The following KRT77 variants were observed in gnomAD, a reference collection of about 807,000 sequenced individuals.
KRT77 encodes keratin 77, also known as keratin, type II cytoskeletal 1b.
KRT77 carries 44 observed loss-of-function variants against 51.5 expected under a neutral mutation model. The ratio of observed to expected loss-of-function variants is 0.85; its 90% CI spans 0.67 to 1.10. KRT77 has a LOEUF of 1.10. Ranked by LOEUF, KRT77 falls within the 50% of genes least tolerant of loss-of-function variation. The pLI, the probability that KRT77 is intolerant of heterozygous loss-of-function variation, is 0.00. For missense variants in KRT77, 763 were observed against 743.9 expected, an observed-to-expected ratio of 1.03 and a Z score of -0.30; for synonymous variants, 293 against 302.0, an observed-to-expected ratio of 0.97 and a Z score of 0.31.
At chr12:52,697,467 C>G (rs1380760995) in intron 2 of KRT77, among the ~76,000 whole-genome samples, 1 of 152,246 alleles carries the variant, frequency 6.6e-6, no homozygotes, top group Non-Finnish European at 1.5e-5. Context: ...TGAAGCTATC[C>G]TGCCCCTCCC....
At chr12:52,700,170 G>T (rs747452936) in intron 1 of KRT77, among the ~76,000 whole-genome samples, 6 of 152,168 alleles carry the variant, frequency 3.9e-5, no homozygotes, top group Non-Finnish European at 4.4e-5. Flanking sequence ...GACCCAATTT[G>T]TCATCCGGTT....
At position 52,697,744 on chromosome 12, in the gene KRT77, C is replaced by T. The variant is rs1190352004; in HGVS notation, c.696G>A (p.Glu232=). 1.2e-6 allele frequency: 2 copies of T among 1,614,190 alleles called. No homozygotes were observed. The highest frequency in any genetic ancestry group is 8.5e-7 in the Non-Finnish European group (1 of 1,180,030). Residue 232 remains glutamate, a synonymous_variant, in exon 2 of 9, where the codon GAG becomes GAA. Coordinates refer to ENST00000341809, the MANE Select transcript of KRT77 (RefSeq NM_175078.3). ...TGACCTCCGCGTTCTGGCGCATCTG[C>T]TCCGCACTGAGCAAATCCACCTGCC... ...LRRQVDLLSA[E]QMRQNAEVRS...
chr12:52,700,867 G>C (rs1345954923), intron 1 of KRT77, among the ~76,000 whole-genome samples: 1 of 152,176 alleles, frequency 6.6e-6, no homozygotes, highest in Non-Finnish European at 1.5e-5. Context: ...CTCTGCTGTG[G>C]TGTCAAGTAT....
rs1277388681 is a variant in KRT77 at position 52,697,719 on chromosome 12, T to C, written c.721A>G (p.Arg241Gly). 6 of 1,614,012 alleles carry C rather than the reference T, an allele frequency of 3.7e-6. No individual in the cohort carries two copies. The East Asian group carries it at 1.1e-4, about 30-fold the overall frequency. Residue 241 changes from arginine to glycine, a missense_variant, in exon 2 of 9, where the codon AGG (arginine) becomes GGG (glycine). Arg to Gly is a moderately radical substitution (Grantham distance 125). Transcript: ENST00000341809. Reference protein sequence around the residue: ...AEQMRQNAEVRSMQDVVEDYK... With the variant: ...AEQMRQNAEVGSMQDVVEDYK... ...TCCTCCACGACATCCTGCATGCTCC[T>C]GACCTCCGCGTTCTGGCGCATCTGC...
chr12:52,694,374 C>G (rs1486085333), intron 5 of KRT77, among the ~76,000 whole-genome samples: 1 of 152,126 alleles, frequency 6.6e-6, no homozygotes, highest in African/African-American at 2.4e-5. Flanking sequence ...AATTGCAGTT[C>G]TCGTCATTAC....
chr12:52,692,724 T>G (rs2121045888), intron 6 of KRT77, 31 bp downstream of exon 6: 1 of 1,602,336 alleles, frequency 6.2e-7, no homozygotes, highest in African/African-American at 1.3e-5. Flanking sequence ...GGTGCAGGGC[T>G]TGGTCAGCCC....
chr12:52,694,934 C>A, intron 4 of KRT77, 144 bp from the exon 5 acceptor site: 1 of 647,884 alleles, frequency 1.5e-6, no homozygotes, highest in Non-Finnish European at 2.5e-6. Flanking sequence ...TTGTTGTGTG[C>A]AATGAGAGAT....
intron 1 of KRT77, 76 bp from the exon 2 acceptor site, chr12:52,697,972 C>T: frequency 6.8e-7 from 1 of 1,462,760 alleles, no homozygotes; most frequent in Non-Finnish European, 9.6e-7. Flanking sequence ...CATCCATACC[C>T]CCTCAACACA....
chr12:52,699,174 T>C (rs2121072679), intron 1 of KRT77, among the ~76,000 whole-genome samples: 1 of 152,340 alleles, frequency 6.6e-6, no homozygotes, highest in Admixed American at 6.5e-5. Context: ...TCTCTATTTT[T>C]ACTCTGTGGT....
chr12:52,699,298 T>A (rs185048898), intron 1 of KRT77, among the ~76,000 whole-genome samples: 9 of 152,214 alleles, frequency 5.9e-5, no homozygotes, highest in African/African-American at 1.9e-4. Context: ...AGTCTCCACA[T>A]AAAACAATGA....
At chr12:52,692,159 G>T (rs1941720347) in intron 7 of KRT77, among the ~76,000 whole-genome samples, 187 bp from the exon 8 acceptor site, 1 of 152,228 alleles carries the variant, frequency 6.6e-6, no homozygotes, top group Non-Finnish European at 1.5e-5. Context: ...AGCATTGGGG[G>T]TGAATACCCA....
At chr12:52,702,852 G>A (rs550821676) in intron 1 of KRT77, 40 bp downstream of exon 1, 3 of 1,602,366 alleles carry the variant, frequency 1.9e-6, no homozygotes, top group East Asian at 2.2e-5. Context: ...CAGTCATTTG[G>A]TCAGTGACCA....
intron 1 of KRT77, among the ~76,000 whole-genome samples, chr12:52,699,559 G>A (rs1941853448): frequency 6.6e-6 from 1 of 152,230 alleles, no homozygotes. Context: ...TAGCACCGAT[G>A]GAATGAGGCA....
At chr12:52,696,979 A>G (rs1034531764) in intron 2 of KRT77, among the ~76,000 whole-genome samples, 1 of 152,210 alleles carries the variant, frequency 6.6e-6, no homozygotes, top group Non-Finnish European at 1.5e-5. Flanking sequence ...AGGGAGGGAG[A>G]GGCTCTGCTG....
At position 52,703,489 on chromosome 12, in the gene KRT77, G is replaced by A; in HGVS notation, c.-55C>T. On this transcript the variant is annotated 5_prime_UTR_variant, in exon 1 of 9. Coordinates refer to ENST00000341809, the MANE Select transcript of KRT77 (RefSeq NM_175078.3). ...AGAGAAAGAGCCTGGCAGGAAGGAG[G>A]CAGAGACCAGAGAGGAAAGGAGCTC... The A allele has an allele frequency of 6.8e-7, 1 of 1,476,438 alleles. No homozygotes were observed. Among genetic ancestry groups the A allele is most frequent in the South Asian group, 1.4e-5 (1 of 72,266 alleles). The allele number at this position is 1,476,438 out of a possible 1,614,324, so 91.5% of individuals were successfully genotyped here.
chr12:52,698,244 C>T, intron 1 of KRT77: 1 of 814,500 alleles, frequency 1.2e-6, no homozygotes, highest in Non-Finnish European at 1.8e-6. Flanking sequence ...ACACTGATGA[C>T]CCCAAGGTTC....
chr12:52,692,596 C>T lies in KRT77; in HGVS notation c.1252G>A (p.Glu418Lys), dbSNP rs756468097. ...SLISDAEERG[E>K]QALQDAWQKL... Reference sequence around the variant, plus strand: ...TGCCACGCATCCTGGAGGGCCTGCTCGCCTCTCTCCTCAGCATCCGAAATG... The same window carrying T: ...TGCCACGCATCCTGGAGGGCCTGCTTGCCTCTCTCCTCAGCATCCGAAATG... Residue 418 changes from glutamate (E) to lysine (K), a missense_variant, in exon 7 of 9, where the codon GAG becomes AAG. By Grantham distance (56) the Glu-to-Lys change is moderately conservative (BLOSUM62 1). Coordinates refer to ENST00000341809, the MANE Select transcript of KRT77 (RefSeq NM_175078.3). The T allele has an allele frequency of 6.2e-7, 1 of 1,604,206 alleles. No individual in the cohort carries two copies. Among genetic ancestry groups the T allele is most frequent in the South Asian group, 1.1e-5 (1 of 90,842 alleles).
At chr12:52,692,353 T>C (rs1439394753) in intron 7 of KRT77, 68 bp downstream of exon 7, 1 of 1,548,412 alleles carries the variant, frequency 6.5e-7, no homozygotes, top group East Asian at 2.3e-5. Context: ...TTTCTCCAAA[T>C]AGCCAGTCCC....
chr12:52,692,857 T>C lies in KRT77; in HGVS notation c.1104A>G (p.Ala368=), dbSNP rs772944920. ...TCTTCAGGTCGTCTCCATGTCTCCCTGCCGTGATCTGGAGCTCCTGGTACT... is the reference window on the plus strand; with the variant it reads ...TCTTCAGGTCGTCTCCATGTCTCCCCGCCGTGATCTGGAGCTCCTGGTACT... ...QTKYQELQIT[A]GRHGDDLKNS... is the part of the protein sequence containing the mutation. The change falls in exon 6 of 9, where the codon GCA becomes GCG. Residue 368 remains alanine, a synonymous_variant. Transcript: ENST00000341809. 3.1e-6 allele frequency: 5 copies of C among 1,604,122 alleles called. No homozygotes were observed. In the East Asian group the frequency reaches 8.9e-5, roughly 29 times the overall value.
Sources: gnomAD v4.1 joint callset for allele counts (sites outside exome capture counted in the v4.1 genomes callset) on GRCh38, gnomAD v4.1.1 for gene constraint, MANE v1.5 for transcripts, NCBI Gene and HGNC (gene_info 2026-07-23, HGNC 2026-07-21) for gene names.